Variants in CEP85L observed in about 807,000 individuals in gnomAD.
CEP85L encodes the protein centrosomal protein of 85 kDa-like.
A neutral mutation model predicts 100.3 loss-of-function variants in CEP85L; 60 were observed. The ratio of observed to expected loss-of-function variants is 0.60; its 90% CI spans 0.49 to 0.74. The LOEUF is 0.74. Ranked by LOEUF, CEP85L falls within the 30% of genes least tolerant of loss-of-function variation. CEP85L has a pLI of 0.00. For missense variants in CEP85L, 973 were observed against 936.2 expected, an observed-to-expected ratio of 1.04 and a Z score of -0.51; for synonymous variants, 319 against 322.7, an observed-to-expected ratio of 0.99 and a Z score of 0.12.
intron 6 of CEP85L, among the ~76,000 whole-genome samples, chr6:118,491,111 C>T (rs1264464621): frequency 6.6e-6 from 1 of 151,762 alleles, no homozygotes; most frequent in African/African-American, 2.4e-5. Context: ...CGCTGTTCTC[C>T]ACGCTGTTTT....
At chr6:118,578,892 G>C (rs889098757) in intron 2 of CEP85L, among the ~76,000 whole-genome samples, 19 of 152,026 alleles carry the variant, frequency 1.2e-4, no homozygotes, top group Non-Finnish European at 2.4e-4. Flanking sequence ...TTCTAACACT[G>C]GTTTTTTGTT....
chr6:118,554,716 A>T (rs1345861832), intron 3 of CEP85L, among the ~76,000 whole-genome samples: 1 of 152,226 alleles, frequency 6.6e-6, no homozygotes, highest in Non-Finnish European at 1.5e-5. Context: ...ATTCCACCTT[A>T]ATAACTAATG....
chr6:118,563,125 G>C (rs986776117), intron 3 of CEP85L, among the ~76,000 whole-genome samples: 5 of 152,180 alleles, frequency 3.3e-5, no homozygotes, highest in African/African-American at 1.2e-4. Context: ...AAGACTAGCA[G>C]TAGGCATTAC....
rs569697434 is a variant in CEP85L, at chr6:118,462,708, G to T, written c.*2697C>A. ...CCACGAACATCCTAGTTCAAACTGGGTGAGATGCTCTAGTGTTGCTATTTG... is the reference window on the plus strand; with the variant it reads ...CCACGAACATCCTAGTTCAAACTGGTTGAGATGCTCTAGTGTTGCTATTTG... On this transcript the variant is annotated 3_prime_UTR_variant, in exon 13 of 13. Coordinates refer to ENST00000368491, the MANE Select transcript of CEP85L (RefSeq NM_001042475.3). 6.6e-6 allele frequency: 1 copy of T among 152,034 alleles called. No homozygotes were observed. Among genetic ancestry groups the T allele is most frequent in the African/African-American group, 2.4e-5 (1 of 41,520 alleles). 9.4% of individuals were successfully genotyped at this position (152,034 alleles called of 1,614,324 possible).
At chr6:118,671,351 C>T (rs753890992) in intron 1 of CEP85L, among the ~76,000 whole-genome samples, 7 of 151,926 alleles carry the variant, frequency 4.6e-5, no homozygotes, top group East Asian at 3.9e-4. Flanking sequence ...AAATTGTTAT[C>T]GTTATTATGT....
chr6:118,506,976 T>A (rs1394301261), intron 5 of CEP85L, among the ~76,000 whole-genome samples: 3 of 152,052 alleles, frequency 2.0e-5, no homozygotes, highest in African/African-American at 7.3e-5. Flanking sequence ...TAGTTCTGGA[T>A]CCCATTTTCC....
At chr6:118,514,153 T>A (rs1350506946) in intron 4 of CEP85L, among the ~76,000 whole-genome samples, 1 of 152,042 alleles carries the variant, frequency 6.6e-6, no homozygotes, top group Non-Finnish European at 1.5e-5. Flanking sequence ...AATAAAGAGA[T>A]AACAGGAATT....
intron 1 of CEP85L, among the ~76,000 whole-genome samples, chr6:118,698,699 A>G (rs1291267144): frequency 3.9e-5 from 6 of 152,204 alleles, no homozygotes; most frequent in Non-Finnish European, 7.3e-5. Context: ...ATTATCTAAG[A>G]CTGATCCATC....
chr6:118,522,101 C>A (rs2114778787), intron 4 of CEP85L, among the ~76,000 whole-genome samples: 1 of 152,060 alleles, frequency 6.6e-6, no homozygotes, highest in East Asian at 1.9e-4. Context: ...TGGCTCACAC[C>A]TGTAATCCCA....
intron 12 of CEP85L, 31 bp from the exon 13 acceptor site, chr6:118,465,599 C>T: frequency 3.1e-6 from 5 of 1,597,560 alleles, no homozygotes; most frequent in Non-Finnish European, 4.3e-6. Context: ...GAGAATATCT[C>T]ACATTTTTTT....
intron 6 of CEP85L, among the ~76,000 whole-genome samples, chr6:118,487,333 A>G (rs1192179925): frequency 1.3e-5 from 2 of 152,236 alleles, no homozygotes; most frequent in African/African-American, 4.8e-5. Context: ...AATGTGTCTC[A>G]GGCCATGGGA....
chr6:118,494,763 C>T (rs1261266002), intron 5 of CEP85L, among the ~76,000 whole-genome samples: 1 of 152,132 alleles, frequency 6.6e-6, no homozygotes, highest in African/African-American at 2.4e-5. Flanking sequence ...GACATCATGT[C>T]TACTTTCAAC....
At chr6:118,559,150 GA>G in intron 3 of CEP85L, 1 of 1,150,778 alleles carries the variant, frequency 8.7e-7, no homozygotes, top group South Asian at 1.2e-5. Context: ...ATGCAGACAG[GA>G]AAACAATATT....
chr6:118,502,972 T>G, intron 5 of CEP85L: 1 of 280,596 alleles, frequency 3.6e-6, no homozygotes. Flanking sequence ...GTACATACTT[T>G]TCCATTCTTA....
At position 118,483,838 on chromosome 6, in the gene CEP85L, G is replaced by A. The variant is rs919631820; in HGVS notation, c.1458C>T (p.Tyr486=). 3 of 1,613,154 alleles carry A rather than the reference G, an allele frequency of 1.9e-6. No individual in the cohort carries two copies. The African/African-American group carries it at 4.0e-5, about 22-fold the overall frequency. Residue 486 remains tyrosine (Y), a synonymous_variant, in exon 7 of 13, where the codon TAC becomes TAT. Transcript: ENST00000368491. ...LEEKLKTRDR[Y]ISSLKKKCQK... is the part of the protein sequence containing the mutation. ...GGCATTTCTTTTTCAGACTACTGATGTATCGATCTCTAGTTTTAAGCTAAA... is the reference window on the plus strand; with the variant it reads ...GGCATTTCTTTTTCAGACTACTGATATATCGATCTCTAGTTTTAAGCTAAA...
intron 2 of CEP85L, among the ~76,000 whole-genome samples, chr6:118,610,117 T>A (rs1370709136): frequency 6.6e-6 from 1 of 152,090 alleles, no homozygotes; most frequent in Non-Finnish European, 1.5e-5. Flanking sequence ...ACACATAGAG[T>A]TACCTCCAAT....
At chr6:118,544,895 C>T (rs1778106500) in intron 3 of CEP85L, among the ~76,000 whole-genome samples, 2 of 152,284 alleles carry the variant, frequency 1.3e-5, no homozygotes, top group East Asian at 1.9e-4. Context: ...TCTCAGACCA[C>T]TAATTCTTAT....
upstream of CEP85L, chr6:118,651,735 G>C (rs888321639): frequency 2.6e-5 from 26 of 985,170 alleles, no homozygotes; most frequent in Non-Finnish European, 3.1e-5. Context: ...GAGCTACCCC[G>C]ACCCCGCTTC....
chr6:118,672,878 GACA>G (rs1478186874), intron 1 of CEP85L, among the ~76,000 whole-genome samples: 2 of 151,800 alleles, frequency 1.3e-5, no homozygotes, highest in Non-Finnish European at 1.5e-5. Context: ...AGAAGACAAT[GACA>G]ACGAAGAAGA....
Sources: allele counts gnomAD v4.1 joint callset (sites outside exome capture counted in the v4.1 genomes callset), GRCh38; gene constraint gnomAD v4.1.1; transcripts MANE v1.5; gene names NCBI Gene and HGNC (gene_info 2026-07-23, HGNC 2026-07-21).